KIAA1328: variants seen among roughly 807,000 people sequenced by gnomAD.
KIAA1328 encodes the protein KIAA1328, also known as protein hinderin.
KIAA1328 carries 52 observed loss-of-function variants against 68.1 expected under a neutral mutation model. The observed-to-expected ratio is 0.76, with a 90% confidence interval of 0.61 to 0.96. The LOEUF is 0.96. KIAA1328 is among the 40% of genes least tolerant of loss of function. The pLI, the probability that KIAA1328 is intolerant of heterozygous loss-of-function variation, is 0.00. For synonymous variants in KIAA1328, 232 were observed against 239.4 expected, an observed-to-expected ratio of 0.97 and a Z score of 0.28; for missense variants, 641 against 677.6, an observed-to-expected ratio of 0.95 and a Z score of 0.60.
intron 7 of KIAA1328, among the ~76,000 whole-genome samples, chr18:37,094,647 A>G (rs933325461): frequency 3.3e-5 from 5 of 152,222 alleles, no homozygotes; most frequent in Non-Finnish European, 7.3e-5. Flanking sequence ...TGTAATGATA[A>G]CAAAAAAGAA....
At chr18:36,941,217 C>T (rs1397416721) in intron 5 of KIAA1328, among the ~76,000 whole-genome samples, 1 of 152,076 alleles carries the variant, frequency 6.6e-6, no homozygotes, top group Non-Finnish European at 1.5e-5. Flanking sequence ...TATGTATACC[C>T]ACACATACAT....
chr18:36,928,421 A>G (rs542849650), intron 5 of KIAA1328, among the ~76,000 whole-genome samples: 1 of 152,274 alleles, frequency 6.6e-6, no homozygotes, highest in Non-Finnish European at 1.5e-5. Flanking sequence ...TTTCATCTGT[A>G]AAATGAAAAT....
At chr18:37,181,874 A>AT (rs955912625) in intron 9 of KIAA1328, among the ~76,000 whole-genome samples, 1 of 152,190 alleles carries the variant, frequency 6.6e-6, no homozygotes, top group African/African-American at 2.4e-5. Context: ...TTTAGAAACA[A>AT]TGTTTAAAAA....
At chr18:36,939,668 T>C (rs984024587) in intron 5 of KIAA1328, among the ~76,000 whole-genome samples, 1 of 152,210 alleles carries the variant, frequency 6.6e-6, no homozygotes, top group African/African-American at 2.4e-5. Context: ...TTCTTGTTTC[T>C]GATCCTAGAG....
intron 4 of KIAA1328, among the ~76,000 whole-genome samples, chr18:36,845,495 A>G (rs72885245): frequency 0.13 from 19,378 of 151,658 alleles, 1,544 homozygotes; most frequent in Admixed American, 0.17. Context: ...GACCCATTTC[A>G]TTTGAGCTGC....
intron 7 of KIAA1328, among the ~76,000 whole-genome samples, chr18:37,119,753 G>A (rs2058219100): frequency 6.6e-6 from 1 of 152,034 alleles, no homozygotes; most frequent in Admixed American, 6.6e-5. Context: ...AAATGACAGT[G>A]GTCATTTACA....
intron 4 of KIAA1328, among the ~76,000 whole-genome samples, chr18:36,881,847 A>G (rs1009132027): frequency 2.0e-4 from 31 of 152,200 alleles, no homozygotes; most frequent in African/African-American, 6.0e-4. Context: ...TTGGTTATCT[A>G]TTCATCCATT....
intron 7 of KIAA1328, among the ~76,000 whole-genome samples, chr18:37,096,033 C>A (rs1474824593): frequency 6.6e-6 from 1 of 151,628 alleles, no homozygotes; most frequent in African/African-American, 2.4e-5. Flanking sequence ...AACTGGGTGG[C>A]TTTACTGCTG....
At chr18:36,918,251 A>G (rs1031201672) in intron 5 of KIAA1328, among the ~76,000 whole-genome samples, 2 of 151,800 alleles carry the variant, frequency 1.3e-5, no homozygotes, top group African/African-American at 2.4e-5. Context: ...ATTTATATTC[A>G]AAAAGCCTTC....
intron 6 of KIAA1328, among the ~76,000 whole-genome samples, chr18:36,959,973 T>C (rs1286876244): frequency 6.6e-6 from 1 of 152,230 alleles, no homozygotes; most frequent in Non-Finnish European, 1.5e-5. Context: ...TATACTTAAA[T>C]GAATGCTCAG....
At chr18:37,193,165 T>A (rs1034759168) in intron 9 of KIAA1328, among the ~76,000 whole-genome samples, 1 of 152,152 alleles carries the variant, frequency 6.6e-6, no homozygotes, top group Non-Finnish European at 1.5e-5. Flanking sequence ...TGGAAAGTTA[T>A]TTATATTAAT....
intron 6 of KIAA1328, among the ~76,000 whole-genome samples, chr18:36,974,589 A>G (rs746677710): frequency 1.5e-4 from 23 of 152,160 alleles, no homozygotes; most frequent in Non-Finnish European, 2.6e-4. Flanking sequence ...GCTATTGTGA[A>G]TAGTGTTGCA....
At chr18:36,839,228 A>C (rs1247090574) in intron 3 of KIAA1328, among the ~76,000 whole-genome samples, 4 of 151,778 alleles carry the variant, frequency 2.6e-5, no homozygotes, top group Non-Finnish European at 1.5e-5. Context: ...CAGCTCTCTG[A>C]TCCTCTGTTC....
chr18:37,141,972 G>A (rs1246819444), intron 7 of KIAA1328, among the ~76,000 whole-genome samples: 1 of 152,106 alleles, frequency 6.6e-6, no homozygotes, highest in African/African-American at 2.4e-5. Context: ...CAGATGTATT[G>A]TGAATATTTT....
chr18:37,042,329 G>A (rs139871769), intron 6 of KIAA1328, among the ~76,000 whole-genome samples: 1 of 152,214 alleles, frequency 6.6e-6, no homozygotes, highest in Non-Finnish European at 1.5e-5. Flanking sequence ...CATTATTTCT[G>A]TAGACTCAAG....
chr18:36,980,047 G>A (rs1204897559), intron 6 of KIAA1328, among the ~76,000 whole-genome samples: 1 of 152,164 alleles, frequency 6.6e-6, no homozygotes, highest in African/African-American at 2.4e-5. Flanking sequence ...GCCATGTGAT[G>A]ACACAGCATT....
intron 6 of KIAA1328, among the ~76,000 whole-genome samples, chr18:37,024,773 A>G (rs1266162259): frequency 6.6e-6 from 1 of 152,112 alleles, no homozygotes; most frequent in Non-Finnish European, 1.5e-5. Flanking sequence ...AATCCAGTCT[A>G]TCATTGTTGG....
At chr18:36,992,609 A>G (rs550332376) in intron 6 of KIAA1328, among the ~76,000 whole-genome samples, 2 of 152,180 alleles carry the variant, frequency 1.3e-5, no homozygotes, top group South Asian at 4.1e-4. Flanking sequence ...GAAAGAAGCT[A>G]CTTAAGAGGA....
At chr18:37,107,060 A>G (rs754072409) in intron 7 of KIAA1328, among the ~76,000 whole-genome samples, 1 of 152,154 alleles carries the variant, frequency 6.6e-6, no homozygotes, top group Non-Finnish European at 1.5e-5. Context: ...TCTGGCCAAC[A>G]TGGTGAAACC....
Sources: allele counts gnomAD v4.1 joint callset (sites outside exome capture counted in the v4.1 genomes callset), GRCh38; gene constraint gnomAD v4.1.1; transcripts MANE v1.5; gene names NCBI Gene and HGNC (gene_info 2026-07-23, HGNC 2026-07-21).